The following MSRB3 variants were observed in gnomAD, a reference collection of about 807,000 sequenced individuals.
The protein encoded by MSRB3 is methionine sulfoxide reductase B3.
MSRB3 carries 13 observed loss-of-function variants against 21.0 expected under a neutral mutation model. The ratio of observed to expected loss-of-function variants is 0.62; its 90% CI spans 0.40 to 0.98. The LOEUF is 0.98. MSRB3 is among the 50% of genes least tolerant of loss of function. MSRB3 has a pLI of 0.00. For synonymous variants in MSRB3, 87 were observed against 88.6 expected, an observed-to-expected ratio of 0.98 and a Z score of 0.10; for missense variants, 199 against 230.3, an observed-to-expected ratio of 0.86 and a Z score of 0.88.
At chr12:65,374,314 T>C (rs1484869310) in intron 5 of MSRB3, among the ~76,000 whole-genome samples, 1 of 152,196 alleles carries the variant, frequency 6.6e-6, no homozygotes, top group Non-Finnish European at 1.5e-5. Flanking sequence ...CATCTATTCA[T>C]TCATTCATCA....
At chr12:65,412,443 A>G in intron 5 of MSRB3, among the ~76,000 whole-genome samples, 1 of 152,158 alleles carries the variant, frequency 6.6e-6, no homozygotes, top group East Asian at 1.9e-4. Flanking sequence ...AGACCATCAT[A>G]GTTAAGTTGG....
At chr12:65,409,202 A>G (rs1303111623) in intron 5 of MSRB3, among the ~76,000 whole-genome samples, 1 of 151,874 alleles carries the variant, frequency 6.6e-6, no homozygotes, top group Non-Finnish European at 1.5e-5. Flanking sequence ...ACACACACAC[A>G]CATACACATA....
At chr12:65,383,365 G>A (rs11175738) in intron 5 of MSRB3, among the ~76,000 whole-genome samples, 42,878 of 152,016 alleles carry the variant, frequency 0.28, 6,556 homozygotes, top group South Asian at 0.38. Context: ...ATTGTGATAA[G>A]TATGAAAGAA....
intron 4 of MSRB3, among the ~76,000 whole-genome samples, chr12:65,348,493 C>A (rs1276984628): frequency 6.6e-6 from 1 of 151,982 alleles, no homozygotes; most frequent in Non-Finnish European, 1.5e-5. Context: ...CTTTATTAGT[C>A]TTGCTAGCAG....
chr12:65,457,761 A>G (rs1445072612), intron 6 of MSRB3, among the ~76,000 whole-genome samples: 1 of 151,888 alleles, frequency 6.6e-6, no homozygotes, highest in Non-Finnish European at 1.5e-5. Context: ...AGAAAAAAAA[A>G]AACAAACCCA....
chr12:65,299,917 C>T (rs1873209581), intron 1 of MSRB3, among the ~76,000 whole-genome samples: 1 of 152,194 alleles, frequency 6.6e-6, no homozygotes, highest in African/African-American at 2.4e-5. Context: ...ACTATGTGCA[C>T]ATCGATTACT....
At chr12:65,400,796 T>A (rs1283684214) in intron 5 of MSRB3, among the ~76,000 whole-genome samples, 1 of 152,228 alleles carries the variant, frequency 6.6e-6, no homozygotes, top group Non-Finnish European at 1.5e-5. Flanking sequence ...GTCCCAGAGA[T>A]TCTGGTACAC....
intron 2 of MSRB3, among the ~76,000 whole-genome samples, chr12:65,323,465 T>A (rs949200830): frequency 6.6e-6 from 1 of 152,204 alleles, no homozygotes; most frequent in African/African-American, 2.4e-5. Flanking sequence ...AAATATGTAA[T>A]TGTGTTACAT....
chr12:65,388,343 C>A lies in MSRB3; in HGVS notation c.292+19317C>A, dbSNP rs919008425. Reference sequence around the variant, plus strand: ...GCTAAATGACTCCTGTGGGTCAAGGCAGGTACACAGCCCTGGCAGTGAGGG... The same window carrying A: ...GCTAAATGACTCCTGTGGGTCAAGGAAGGTACACAGCCCTGGCAGTGAGGG... On this transcript the variant is annotated intron_variant, in intron 5 of 6. Transcript: ENST00000308259. Among the ~76,000 whole-genome samples the A allele has an allele frequency of 8.6e-5, 13 of 152,010 alleles. 1 individual carries two copies. Among genetic ancestry groups the A allele is most frequent in the African/African-American group, 3.1e-4 (13 of 41,388 alleles).
chr12:65,405,133 C>T (rs772291134), intron 5 of MSRB3, among the ~76,000 whole-genome samples: 10 of 151,572 alleles, frequency 6.6e-5, no homozygotes, highest in Non-Finnish European at 1.0e-4. Context: ...TTGTATTTTT[C>T]GTAGAGATGG....
chr12:65,418,416 G>A (rs1881094897), intron 5 of MSRB3, among the ~76,000 whole-genome samples: 1 of 152,168 alleles, frequency 6.6e-6, no homozygotes, highest in South Asian at 2.1e-4. Context: ...CTTATCAGAT[G>A]TGAGGTTTGC....
In MSRB3 at chr12:65,453,828, G is replaced by A. The variant is rs201206970; in HGVS notation, c.390+3G>A. ...GGGTGGAAACAAGCTGCTCTCAGGT[G>A]AGTTCATCCTTTCTGAAAACCCAAT... On this transcript the variant is annotated splice_donor_region_variant and intron_variant, in intron 6 of 6. Coordinates refer to ENST00000308259, the MANE Select transcript of MSRB3 (RefSeq NM_001031679.3). 46 of 1,612,374 alleles carry A rather than the reference G, an allele frequency of 2.9e-5. No individual in the cohort carries two copies. The highest frequency in any genetic ancestry group is 3.7e-5 in the Non-Finnish European group (44 of 1,178,566).
intron 5 of MSRB3, among the ~76,000 whole-genome samples, chr12:65,433,014 A>ATACAT (rs57701705): frequency 0.52 from 77,929 of 151,038 alleles, 20,848 homozygotes; most frequent in Non-Finnish European, 0.61. Flanking sequence ...TTGGAATCTT[A>ATACAT]TACTAGTGGG....
chr12:65,312,658 A>G (rs1874054923), intron 2 of MSRB3, among the ~76,000 whole-genome samples: 1 of 152,062 alleles, frequency 6.6e-6, no homozygotes, highest in Admixed American at 6.6e-5. Flanking sequence ...TTATAAATAT[A>G]TCATAGTTTT....
At chr12:65,309,052 T>G (rs1873827129) in intron 2 of MSRB3, 2 of 232,354 alleles carry the variant, frequency 8.6e-6, no homozygotes, top group African/African-American at 4.5e-5. Flanking sequence ...CCACATGTGG[T>G]CATTCCTTTA....
At chr12:65,286,246 C>A (rs9668269) in intron 1 of MSRB3, 1 of 151,898 alleles carries the variant, frequency 6.6e-6, no homozygotes, top group East Asian at 1.9e-4. Context: ...TGTCCTCTTA[C>A]TTTAGAATGT....
chr12:65,347,205 TC>T (rs1159241177), intron 4 of MSRB3, among the ~76,000 whole-genome samples: 1 of 152,222 alleles, frequency 6.6e-6, no homozygotes, highest in Non-Finnish European at 1.5e-5. Flanking sequence ...TATTGATTCT[TC>T]CTACCCATGA....
At chr12:65,446,510 T>TA (rs1178725073) in intron 5 of MSRB3, among the ~76,000 whole-genome samples, 1 of 152,182 alleles carries the variant, frequency 6.6e-6, no homozygotes. Flanking sequence ...ATGAAGAGAC[T>TA]AAAGTCTGCA....
intron 5 of MSRB3, among the ~76,000 whole-genome samples, chr12:65,422,036 A>G (rs1359642421): frequency 1.3e-5 from 2 of 152,146 alleles, no homozygotes; most frequent in African/African-American, 4.8e-5. Context: ...ATGGAGGAAA[A>G]CCTACCAAGC....
Sources: gnomAD v4.1 joint callset for allele counts (sites outside exome capture counted in the v4.1 genomes callset) on GRCh38, gnomAD v4.1.1 for gene constraint, MANE v1.5 for transcripts, NCBI Gene and HGNC (gene_info 2026-07-23, HGNC 2026-07-21) for gene names.